LRCH1: variants seen among roughly 807,000 people sequenced by gnomAD.
LRCH1 encodes the protein leucine-rich repeat and calponin homology domain-containing protein 1.
LRCH1 carries 23 observed loss-of-function variants against 94.9 expected under a neutral mutation model. The ratio of observed to expected loss-of-function variants is 0.24; its 90% CI spans 0.17 to 0.34. The LOEUF is 0.34. LRCH1 is among the 10% of genes least tolerant of loss of function. The probability of loss-of-function intolerance (pLI) is 1.00; values close to 1 mark genes in which losing one functional copy is unlikely to be tolerated. For missense variants in LRCH1, 790 were observed against 945.9 expected (o/e 0.84, Z 2.16); for synonymous variants, 364 against 354.9 (o/e 1.03, Z -0.29).
At chr13:46,575,707 A>G (rs1401212002) in intron 1 of LRCH1, among the ~76,000 whole-genome samples, 2 of 152,202 alleles carry the variant, frequency 1.3e-5, no homozygotes, top group Non-Finnish European at 2.9e-5. Flanking sequence ...GTGTGTGCTC[A>G]TGGGATGGAT....
At chr13:46,677,372 G>A (rs1022511007) in intron 3 of LRCH1, among the ~76,000 whole-genome samples, 17 of 151,952 alleles carry the variant, frequency 1.1e-4, no homozygotes, top group Admixed American at 6.6e-5. Flanking sequence ...GAGGTTTGCA[G>A]TGAGCCAAGA....
chr13:46,733,320 TAA>T (rs1178736941), intron 18 of LRCH1, among the ~76,000 whole-genome samples: 2 of 152,226 alleles, frequency 1.3e-5, no homozygotes, highest in African/African-American at 4.8e-5. Context: ...AGCTTTTGGT[TAA>T]GTCCTGAACA....
At chr13:46,560,037 C>G (rs968345442) in intron 1 of LRCH1, among the ~76,000 whole-genome samples, 1 of 151,086 alleles carries the variant, frequency 6.6e-6, no homozygotes, top group East Asian at 1.9e-4. Context: ...TGCTGTCCAT[C>G]TGGTATATGT....
At chr13:46,602,504 C>G (rs76223209) in intron 1 of LRCH1, among the ~76,000 whole-genome samples, 2,354 of 152,066 alleles carry the variant, frequency 0.015, 65 homozygotes, top group African/African-American at 0.053. Flanking sequence ...CAGATTTAGC[C>G]TAACTATGAA....
At chr13:46,565,024 G>C (rs1262406772) in intron 1 of LRCH1, among the ~76,000 whole-genome samples, 1 of 152,216 alleles carries the variant, frequency 6.6e-6, no homozygotes, top group African/African-American at 2.4e-5. Context: ...CTTTGTCCCT[G>C]CTCTGCCAGG....
intron 4 of LRCH1, among the ~76,000 whole-genome samples, chr13:46,684,547 C>T (rs1345714610): frequency 6.6e-6 from 1 of 152,150 alleles, no homozygotes; most frequent in Middle Eastern, 3.2e-3. Context: ...ATTTGCTAAG[C>T]TAACTTTAAT....
At chr13:46,612,482 C>T (rs2050758334) in intron 1 of LRCH1, among the ~76,000 whole-genome samples, 1 of 152,142 alleles carries the variant, frequency 6.6e-6, no homozygotes, top group Non-Finnish European at 1.5e-5. Flanking sequence ...GTCGTGGGCT[C>T]CAAATGTAAA....
At chr13:46,600,892 C>T (rs1376971702) in intron 1 of LRCH1, among the ~76,000 whole-genome samples, 2 of 152,192 alleles carry the variant, frequency 1.3e-5, no homozygotes, top group Non-Finnish European at 2.9e-5. Flanking sequence ...ATTCTGTTAG[C>T]GCTTTAAAGC....
intron 13 of LRCH1, among the ~76,000 whole-genome samples, chr13:46,708,705 C>T (rs1431527568): frequency 1.3e-5 from 2 of 152,216 alleles, no homozygotes; most frequent in Non-Finnish European, 2.9e-5. Context: ...GTCACATTTC[C>T]TTAATATCAG....
At chr13:46,636,885 C>T (rs1197145014) in intron 1 of LRCH1, among the ~76,000 whole-genome samples, 1 of 152,078 alleles carries the variant, frequency 6.6e-6, no homozygotes, top group Non-Finnish European at 1.5e-5. Context: ...AGTGCATGGC[C>T]CTCTTCTCTA....
At chr13:46,731,414 A>G (rs1873102095) in intron 18 of LRCH1, among the ~76,000 whole-genome samples, 1 of 152,018 alleles carries the variant, frequency 6.6e-6, no homozygotes, top group African/African-American at 2.4e-5. Context: ...TATTTTTACT[A>G]GAGACGGGGT....
chr13:46,561,159 T>C (rs1190674072), intron 1 of LRCH1, among the ~76,000 whole-genome samples: 1 of 152,268 alleles, frequency 6.6e-6, no homozygotes, highest in Non-Finnish European at 1.5e-5. Context: ...TTTTGCTTGG[T>C]AAGAAATTAT....
intron 1 of LRCH1, among the ~76,000 whole-genome samples, chr13:46,574,684 T>C (rs1266495656): frequency 6.6e-6 from 1 of 152,222 alleles, no homozygotes; most frequent in Non-Finnish European, 1.5e-5. Context: ...CTTATACGCA[T>C]ATTCTAAAAC....
chr13:46,646,014 G>A (rs2051216342), intron 1 of LRCH1, among the ~76,000 whole-genome samples: 1 of 152,120 alleles, frequency 6.6e-6, no homozygotes, highest in South Asian at 2.1e-4. Flanking sequence ...TAAGTTTTCG[G>A]GGCAAACTTC....
intron 1 of LRCH1, among the ~76,000 whole-genome samples, chr13:46,578,126 G>A (rs1183816079): frequency 1.3e-5 from 2 of 152,242 alleles, no homozygotes; most frequent in African/African-American, 4.8e-5. Flanking sequence ...ACAGTGAGAT[G>A]CATTAGGTGT....
chr13:46,623,169 G>T (rs1176338694), intron 1 of LRCH1, among the ~76,000 whole-genome samples: 2 of 152,078 alleles, frequency 1.3e-5, no homozygotes, highest in African/African-American at 4.8e-5. Context: ...TTCCATATGA[G>T]CTGGGGACTT....
intron 1 of LRCH1, among the ~76,000 whole-genome samples, chr13:46,580,577 TC>T (rs2050353939): frequency 6.6e-6 from 1 of 152,230 alleles, no homozygotes; most frequent in African/African-American, 2.4e-5. Context: ...TCTCTAAGAC[TC>T]GTAAGCCACC....
chr13:46,747,118 G>C (rs965540311), downstream of LRCH1, among the ~76,000 whole-genome samples: 1 of 152,124 alleles, frequency 6.6e-6, no homozygotes, highest in African/African-American at 2.4e-5. Flanking sequence ...AATTTGAGGG[G>C]TATCTTTTTA....
chr13:46,702,788 TC>T (rs1871548929), intron 11 of LRCH1, among the ~76,000 whole-genome samples: 1 of 152,208 alleles, frequency 6.6e-6, no homozygotes, highest in Non-Finnish European at 1.5e-5. Flanking sequence ...AGGCTCTCCA[TC>T]CTAGTGTGCT....
Sources: gnomAD v4.1 joint callset for allele counts (sites outside exome capture counted in the v4.1 genomes callset) on GRCh38, gnomAD v4.1.1 for gene constraint, MANE v1.5 for transcripts, NCBI Gene and HGNC (gene_info 2026-07-23, HGNC 2026-07-21) for gene names.